MTHFD2L: variants seen among roughly 807,000 people sequenced by gnomAD.
The protein encoded by MTHFD2L is methylenetetrahydrofolate dehydrogenase (NADP+ dependent) 2 like.
A neutral mutation model predicts 34.9 loss-of-function variants in MTHFD2L; 29 were observed. That is an observed-to-expected ratio of 0.83 (90% confidence interval 0.62 to 1.13). MTHFD2L has a LOEUF of 1.13. MTHFD2L is among the 50% of genes most tolerant of loss of function. MTHFD2L has a pLI of 0.00. For synonymous variants in MTHFD2L, 167 were observed against 155.7 expected, an observed-to-expected ratio of 1.07 and a Z score of -0.54; for missense variants, 481 against 446.5, an observed-to-expected ratio of 1.08 and a Z score of -0.70.
intron 1 of MTHFD2L, among the ~76,000 whole-genome samples, chr4:74,132,845 G>T (rs1722649442): frequency 6.6e-6 from 1 of 152,090 alleles, no homozygotes; most frequent in African/African-American, 2.4e-5. Context: ...TGAACAGGTT[G>T]TTGTCGCTAT....
chr4:74,157,366 G>A (rs895620598), upstream of MTHFD2L: 3 of 285,100 alleles, frequency 1.1e-5, no homozygotes, highest in Admixed American at 1.5e-4. Context: ...GGTTTTATCT[G>A]TGACTGTTTT....
At chr4:74,266,614 A>C (rs16850800) in intron 6 of MTHFD2L, among the ~76,000 whole-genome samples, 2,219 of 152,232 alleles carry the variant, frequency 0.015, 63 homozygotes, top group African/African-American at 0.051. Flanking sequence ...CTGAAGTCTA[A>C]GCTCTCACCA....
At chr4:74,249,766 C>T (rs1256468068) in intron 6 of MTHFD2L, among the ~76,000 whole-genome samples, 2 of 152,102 alleles carry the variant, frequency 1.3e-5, no homozygotes, top group African/African-American at 4.8e-5. Flanking sequence ...ATATGAAATT[C>T]TGGGTTGAAA....
At chr4:74,234,114 A>T (rs552229638) in intron 6 of MTHFD2L, among the ~76,000 whole-genome samples, 8 of 152,136 alleles carry the variant, frequency 5.3e-5, no homozygotes, top group Non-Finnish European at 1.0e-4. Flanking sequence ...ACTTAATTCT[A>T]TTTGGGTCCA....
In MTHFD2L at chr4:74,187,850, C is replaced by G. The variant is rs530057998; in HGVS notation, c.452-11944C>G. Among the ~76,000 whole-genome samples the G allele has an allele frequency of 1.3e-3, 199 of 147,640 alleles. 1 individual carries two copies. The highest frequency in any genetic ancestry group is 4.1e-3 in the African/African-American group (159 of 38,606). On this transcript the variant is annotated intron_variant, in intron 3 of 7. Transcript: ENST00000325278. ...ACACACACACATTGGTCCAGCCATT[C>G]CGTGCCTGTGTATTTCCCCAAAAGA...
chr4:74,219,314 A>G (rs1223576998), intron 5 of MTHFD2L, among the ~76,000 whole-genome samples: 1 of 152,070 alleles, frequency 6.6e-6, no homozygotes, highest in African/African-American at 2.4e-5. Context: ...CTGCTTATCT[A>G]GTTCTGTGTG....
intron 6 of MTHFD2L, among the ~76,000 whole-genome samples, chr4:74,246,798 G>A (rs1257552149): frequency 6.6e-6 from 1 of 152,116 alleles, no homozygotes; most frequent in African/African-American, 2.4e-5. Context: ...TAGATATGCG[G>A]CATTATTTCT....
chr4:74,182,622 G>A (rs1328210094), intron 3 of MTHFD2L: 1 of 152,032 alleles, frequency 6.6e-6, no homozygotes, highest in Non-Finnish European at 1.5e-5. Flanking sequence ...TTTTCATTCT[G>A]TTGTTCTCTA....
intron 1 of MTHFD2L, among the ~76,000 whole-genome samples, chr4:74,138,486 A>G (rs895988425): frequency 2.6e-5 from 4 of 152,194 alleles, no homozygotes; most frequent in Non-Finnish European, 5.9e-5. Context: ...GTCATGGGTC[A>G]TGGTAGAGAA....
chr4:74,172,643 G>A (rs1254135641), intron 1 of MTHFD2L, among the ~76,000 whole-genome samples: 1 of 152,226 alleles, frequency 6.6e-6, no homozygotes, highest in South Asian at 2.1e-4. Context: ...TAGACATGCA[G>A]ATTTCCAGGT....
chr4:74,180,867 G>A (rs1466218172), intron 3 of MTHFD2L: 1 of 204,020 alleles, frequency 4.9e-6, no homozygotes, highest in East Asian at 1.3e-4. Context: ...CTTTGTCGAG[G>A]TAAGAAAGGG....
At chr4:74,160,910 A>G (rs1240917647) in intron 1 of MTHFD2L, 1 of 152,222 alleles carries the variant, frequency 6.6e-6, no homozygotes, top group East Asian at 1.9e-4. Context: ...AGGGACTTTC[A>G]CAAAACCCGC....
At chr4:74,141,015 A>G in intron 1 of MTHFD2L, among the ~76,000 whole-genome samples, 1 of 152,234 alleles carries the variant, frequency 6.6e-6, no homozygotes, top group East Asian at 1.9e-4. Context: ...TACCTTACCA[A>G]ATATGACAGT....
chr4:74,140,568 A>G, intron 1 of MTHFD2L: 1 of 977,940 alleles, frequency 1.0e-6, no homozygotes, highest in Non-Finnish European at 1.2e-6. Flanking sequence ...GCTATACTAC[A>G]AAAAAGGCAA....
chr4:74,130,617 C>A (rs1722417997), intron 1 of MTHFD2L, among the ~76,000 whole-genome samples: 1 of 152,100 alleles, frequency 6.6e-6, no homozygotes, highest in Non-Finnish European at 1.5e-5. Flanking sequence ...ATGACAAACC[C>A]ACAGCCAATA....
At chr4:74,151,594 G>T (rs1358472759) in intron 1 of MTHFD2L, among the ~76,000 whole-genome samples, 1 of 152,160 alleles carries the variant, frequency 6.6e-6, no homozygotes, top group African/African-American at 2.4e-5. Context: ...TGTGGTAAGG[G>T]TTAAAAGAAT....
At chr4:74,130,366 G>T (rs923190683) in intron 1 of MTHFD2L, among the ~76,000 whole-genome samples, 8 of 152,162 alleles carry the variant, frequency 5.3e-5, no homozygotes, top group African/African-American at 1.7e-4. Context: ...TAATCCAGCA[G>T]CACATGAAAA....
intron 7 of MTHFD2L, among the ~76,000 whole-genome samples, chr4:74,292,945 A>G (rs1221656259): frequency 5.3e-5 from 8 of 152,100 alleles, no homozygotes; most frequent in African/African-American, 1.9e-4. Flanking sequence ...GGTGACTGAC[A>G]TGCTATTTGG....
intron 1 of MTHFD2L, among the ~76,000 whole-genome samples, chr4:74,125,769 A>C (rs1310825775): frequency 6.6e-6 from 1 of 152,208 alleles, no homozygotes; most frequent in East Asian, 1.9e-4. Flanking sequence ...CTCAAAACAA[A>C]AGCATAACAA....
Sources: gnomAD v4.1 joint callset for allele counts (sites outside exome capture counted in the v4.1 genomes callset) on GRCh38, gnomAD v4.1.1 for gene constraint, MANE v1.5 for transcripts, NCBI Gene and HGNC (gene_info 2026-07-23, HGNC 2026-07-21) for gene names.